The following ZEB1 variants were observed in gnomAD, a reference collection of about 807,000 sequenced individuals.
ZEB1 encodes the protein zinc finger E-box binding homeobox 1.
Under a neutral mutation model 84.9 loss-of-function variants are expected in ZEB1, and 21 were observed. The ratio of observed to expected loss-of-function variants is 0.25; its 90% CI spans 0.18 to 0.36. ZEB1 has a LOEUF of 0.36. Among genes scored for constraint, ZEB1 ranks in the 10% least tolerant of loss-of-function variants. The pLI is 1.00. For missense variants in ZEB1, 1,104 were observed against 1,330.2 expected (o/e 0.83, Z 2.65); for synonymous variants, 420 against 471.1 (o/e 0.89, Z 1.41).
Position 31,521,620 on chromosome 10 carries a change from C to T in ZEB1, c.2288C>T (p.Ser763Phe). Residue 763 changes from serine to phenylalanine, a missense_variant, in exon 7 of 9, where the codon TCT (serine) becomes TTT (phenylalanine). This residue lies in a region of ZEB1 where 531 missense variants were observed against 575.2 expected (regional missense o/e 0.92). Coordinates refer to ENST00000424869, the MANE Select transcript of ZEB1 (RefSeq NM_001174096.2). Reference protein sequence around the residue: ...ITSVYQNSVYSVQEEPLNLSC... With the variant: ...ITSVYQNSVYFVQEEPLNLSC... ...AGTGTTTACCAGAACAGTGTTTATT[C>T]TGTCCAGGAAGAACCCTTGAACTTG... 6.2e-7 allele frequency: 1 copy of T among 1,614,116 alleles called. No homozygotes were observed. The highest frequency in any genetic ancestry group is 8.5e-7 in the Non-Finnish European group (1 of 1,180,012).
At chr10:31,337,683 GTTTTTTTTTT>G (rs756379165) in intron 1 of ZEB1, among the ~76,000 whole-genome samples, 1 of 98,842 alleles carries the variant, frequency 1.0e-5, no homozygotes, top group African/African-American at 4.3e-5. Context: ...ATTTCTTTCT[GTTTTTTTTTT>G]TTTTTTTTTT....
At chr10:31,419,706 A>T (rs181420718) in intron 1 of ZEB1, among the ~76,000 whole-genome samples, 65 of 152,324 alleles carry the variant, frequency 4.3e-4, no homozygotes, top group Non-Finnish European at 1.2e-4. Context: ...TTTTCCTCAT[A>T]AAACTTTAGA....
At chr10:31,459,400 G>C (rs151084571) in intron 1 of ZEB1, among the ~76,000 whole-genome samples, 12 of 152,112 alleles carry the variant, frequency 7.9e-5, no homozygotes, top group Non-Finnish European at 1.2e-4. Context: ...TATATAAAAT[G>C]AGTTACATCA....
intron 6 of ZEB1, among the ~76,000 whole-genome samples, chr10:31,519,305 A>C (rs61288552): frequency 0.017 from 2,587 of 152,278 alleles, 65 homozygotes; most frequent in African/African-American, 0.059. Context: ...AAAATTTTCT[A>C]CCAAAGTATC....
rs549816891 is a variant in ZEB1, at chr10:31,364,039, G to A, written c.58+44747G>A. Among the ~76,000 whole-genome samples, 5 of 152,318 alleles carry A rather than the reference G, an allele frequency of 3.3e-5. No individual in the cohort carries two copies. The East Asian group carries it at 7.7e-4, about 24-fold the overall frequency. On this transcript the variant is annotated intron_variant, in intron 1 of 8. Coordinates refer to ENST00000424869, the MANE Select transcript of ZEB1 (RefSeq NM_001174096.2). Reference sequence around the variant, plus strand: ...GAACCAGGAACAAAATACGCTTAGCGAGTTGCCCATTTTGAGTGAGTTGTG... The same window carrying A: ...GAACCAGGAACAAAATACGCTTAGCAAGTTGCCCATTTTGAGTGAGTTGTG...
At chr10:31,382,601 C>T (rs1364939840) in intron 1 of ZEB1, among the ~76,000 whole-genome samples, 1 of 151,988 alleles carries the variant, frequency 6.6e-6, no homozygotes, top group Non-Finnish European at 1.5e-5. Flanking sequence ...GTATATTACA[C>T]AACCATAGGA....
At chr10:31,483,524 T>A (rs1435587726) in intron 2 of ZEB1, among the ~76,000 whole-genome samples, 1 of 152,000 alleles carries the variant, frequency 6.6e-6, no homozygotes, top group African/African-American at 2.4e-5. Flanking sequence ...TCAATGCCCA[T>A]CCATATAGAA....
rs777550779 is a variant in ZEB1, at chr10:31,321,046, C to G, written c.58+1754C>G. The stretch of plus-strand genomic sequence containing the variant: ...GCAATAAATGCGTCTATAATGGGAC[C>G]GCTGCAGCGTCGAGAAAACGAGGAA... On this transcript the variant is annotated intron_variant, in intron 1 of 8. Coordinates refer to ENST00000424869, the MANE Select transcript of ZEB1 (RefSeq NM_001174096.2). 5.7e-4 allele frequency: 404 copies of G among 703,676 alleles called. 2 individuals are homozygous for G. Among genetic ancestry groups the G allele is most frequent in the Non-Finnish European group, 6.7e-4 (383 of 570,182 alleles). 43.6% of individuals were successfully genotyped at this position (703,676 alleles called of 1,614,324 possible). A position where few individuals can be genotyped will look rare whatever the true frequency, so the allele number is the denominator to read the frequency against.
intron 1 of ZEB1, among the ~76,000 whole-genome samples, chr10:31,452,469 G>A (rs1226060755): frequency 6.6e-6 from 1 of 152,016 alleles, no homozygotes; most frequent in Admixed American, 6.6e-5. Flanking sequence ...AGTTTTCTCT[G>A]ATCCTATGAA....
intron 4 of ZEB1, among the ~76,000 whole-genome samples, chr10:31,509,862 G>A (rs988395020): frequency 3.3e-5 from 5 of 152,104 alleles, no homozygotes; most frequent in African/African-American, 1.2e-4. Context: ...TTACATTTTA[G>A]GATTGTCAGG....
chr10:31,333,498 C>T lies in ZEB1; in HGVS notation c.58+14206C>T, dbSNP rs1438837442. Reference sequence around the variant, plus strand: ...GGAGGGTAAAATTATTGATTAGCTACGGGTAGGCTTGGTAAGTTTTAACGC... The same window carrying T: ...GGAGGGTAAAATTATTGATTAGCTATGGGTAGGCTTGGTAAGTTTTAACGC... On this transcript the variant is annotated intron_variant, in intron 1 of 8. Transcript: ENST00000424869. 4.0e-5 allele frequency among the ~76,000 whole-genome samples: 6 copies of T among 151,770 alleles called. No individual in the cohort carries two copies. In the East Asian group the frequency reaches 5.8e-4, roughly 15 times the overall value.
At chr10:31,363,114 A>C in intron 1 of ZEB1, 2 of 1,533,976 alleles carry the variant, frequency 1.3e-6, no homozygotes, top group East Asian at 4.9e-5. Context: ...TGGGTGGAGA[A>C]GACCTACTTG....
chr10:31,482,751 C>A (rs1223293173), intron 2 of ZEB1, among the ~76,000 whole-genome samples: 1 of 151,552 alleles, frequency 6.6e-6, no homozygotes, highest in Admixed American at 6.6e-5. Flanking sequence ...GTATGTATTA[C>A]CTGAAAAAAG....
rs1441415925 is a variant in ZEB1 at position 31,527,651 on chromosome 10, G to A, written c.*387G>A. On this transcript the variant is annotated 3_prime_UTR_variant, in exon 9 of 9. Coordinates refer to ENST00000424869, the MANE Select transcript of ZEB1 (RefSeq NM_001174096.2). ...ATCTTATCAGTATTATCACTCTTAT[G>A]TTGGTTTATTCTTAAGCTGTACAAT... 5.2e-6 allele frequency: 1 copy of A among 191,200 alleles called. No homozygotes were observed. The highest frequency in any genetic ancestry group is 1.1e-5 in the Non-Finnish European group (1 of 91,140). The allele number at this position is 191,200 out of a possible 1,614,324, so 11.8% of individuals were successfully genotyped here. A position where few individuals can be genotyped will look rare whatever the true frequency, so the allele number is the denominator to read the frequency against.
intron 1 of ZEB1, among the ~76,000 whole-genome samples, chr10:31,447,896 G>A (rs1402389625): frequency 1.3e-5 from 2 of 152,132 alleles, no homozygotes; most frequent in African/African-American, 2.4e-5. Flanking sequence ...GTGTCTTGGA[G>A]TTGCTCTTCT....
rs1034205492 is a variant in ZEB1, at chr10:31,472,489, T to C, written c.259+11252T>C. Among the ~76,000 whole-genome samples, 7 of 150,968 alleles carry C rather than the reference T, an allele frequency of 4.6e-5. No individual in the cohort carries two copies. In the East Asian group the frequency reaches 9.7e-4, roughly 21 times the overall value. On this transcript the variant is annotated intron_variant, in intron 2 of 8. Coordinates refer to ENST00000424869, the MANE Select transcript of ZEB1 (RefSeq NM_001174096.2). ...TGGATACATTCCTCGACACATACAC[T>C]CTCCCAAGACTAAACCAGGAAGAAG...
intron 1 of ZEB1, among the ~76,000 whole-genome samples, chr10:31,371,403 C>G (rs2045675185): frequency 6.6e-6 from 1 of 152,084 alleles, no homozygotes; most frequent in South Asian, 2.1e-4. Context: ...TGGTCTTCTC[C>G]CAGAGTGAGG....
At chr10:31,327,385 A>G (rs553309460) in intron 1 of ZEB1, among the ~76,000 whole-genome samples, 1 of 152,250 alleles carries the variant, frequency 6.6e-6, no homozygotes, top group East Asian at 1.9e-4. Context: ...TGCTGGGATT[A>G]CAGGTGTGAG....
chr10:31,394,393 T>G (rs1243631628), intron 1 of ZEB1, among the ~76,000 whole-genome samples: 1 of 152,162 alleles, frequency 6.6e-6, no homozygotes, highest in Non-Finnish European at 1.5e-5. Flanking sequence ...TTTCTAAAGT[T>G]TTTTATTAAT....
Sources: gnomAD v4.1 joint callset for allele counts (sites outside exome capture counted in the v4.1 genomes callset) on GRCh38, gnomAD v4.1.1 for gene constraint, gnomAD v4.1.1 regional missense constraint, MANE v1.5 for transcripts, NCBI Gene and HGNC (gene_info 2026-07-23, HGNC 2026-07-21) for gene names.